Variants in XPOT observed in about 807,000 individuals in gnomAD.
XPOT encodes exportin for tRNA.
In XPOT, 34 loss-of-function variants were observed where a neutral mutation model predicts 128.2. That is an observed-to-expected ratio of 0.27 (90% CI 0.20 to 0.35). The LOEUF is 0.35. Ranked by LOEUF, XPOT falls within the 10% of genes least tolerant of loss-of-function variation. XPOT has a pLI of 1.00. For missense variants in XPOT, 838 were observed against 1,125.3 expected, an observed-to-expected ratio of 0.74 and a Z score of 3.65; for synonymous variants, 348 against 394.3, an observed-to-expected ratio of 0.88 and a Z score of 1.39.
chr12:64,413,651 A>C (rs1483694955), intron 2 of XPOT, among the ~76,000 whole-genome samples: 4 of 152,182 alleles, frequency 2.6e-5, no homozygotes, highest in Non-Finnish European at 5.9e-5. Context: ...TCCCTCATTC[A>C]TACAGTTACA....
intron 23 of XPOT, among the ~76,000 whole-genome samples, chr12:64,440,975 C>T (rs919621016): frequency 7.9e-5 from 12 of 152,182 alleles, no homozygotes; most frequent in African/African-American, 2.9e-4. Context: ...TGTAGCCCCA[C>T]TAATGTAGCT....
chr12:64,416,482 T>A (rs2040088504), intron 3 of XPOT, among the ~76,000 whole-genome samples: 1 of 152,220 alleles, frequency 6.6e-6, no homozygotes, highest in Non-Finnish European at 1.5e-5. Flanking sequence ...CTTGTCAGAT[T>A]TAATGGAAAT....
rs1056822483 is a variant in XPOT, at chr12:64,420,018, A to G, written c.490-52A>G. The G allele has an allele frequency of 1.0e-5, 15 of 1,495,078 alleles. No homozygotes were observed. The Admixed American group carries it at 3.7e-4, about 37-fold the overall frequency. 92.6% of individuals were successfully genotyped at this position (1,495,078 alleles called of 1,614,324 possible). A position where few individuals can be genotyped will look rare whatever the true frequency, so the allele number is the denominator to read the frequency against. ...CTCTCTGCAAGTATATTCAGATATC[A>G]AACATGATTTTGTAAGGTAATCTAC... On this transcript the variant is annotated intron_variant, in intron 6 of 24. Coordinates refer to ENST00000332707, the MANE Select transcript of XPOT (RefSeq NM_007235.6).
chr12:64,421,999 A>G (rs1225943740), intron 9 of XPOT, among the ~76,000 whole-genome samples: 1 of 152,026 alleles, frequency 6.6e-6, no homozygotes, highest in Non-Finnish European at 1.5e-5. Flanking sequence ...TTTAGTAGAC[A>G]GGGTTTCTCC....
At chr12:64,433,909 G>T (rs533110538) in intron 19 of XPOT, among the ~76,000 whole-genome samples, 1 of 152,222 alleles carries the variant, frequency 6.6e-6, no homozygotes, top group South Asian at 2.1e-4. Context: ...TTGCCATTTT[G>T]AAATATAAAA....
At chr12:64,444,030 T>C (rs925854711) in intron 23 of XPOT, among the ~76,000 whole-genome samples, 1 of 152,242 alleles carries the variant, frequency 6.6e-6, no homozygotes, top group South Asian at 2.1e-4. Context: ...ATCTTCCAGA[T>C]TGCTAAATGA....
chr12:64,434,546 A>G lies in XPOT; in HGVS notation c.2492A>G (p.Gln831Arg). Residue 831 changes from glutamine to arginine, a missense_variant, in exon 20 of 25, where the codon CAA (glutamine) becomes CGA (arginine). Around this residue, in one of 3 missense-constraint regions of XPOT, gnomAD observed 761 missense variants for 988.3 expected, o/e 0.77. Transcript: ENST00000332707. ...GAAAGAGTGTTGGTTACTGTTATCC[A>G]AGGAGCAGTTGAATATCCAGATCCA... ...NVERVLVTVI[Q>R]GAVEYPDPIA... 6.2e-7 allele frequency: 1 copy of G among 1,613,842 alleles called. No individual in the cohort carries two copies.
chr12:64,424,928 C>A, intron 12 of XPOT, 110 bp from the exon 13 acceptor site: 1 of 1,415,938 alleles, frequency 7.1e-7, no homozygotes, highest in Non-Finnish European at 9.6e-7. Flanking sequence ...TTAACAGTTG[C>A]TATGACTTTT....
At chr12:64,412,751 C>G (rs559072090) in intron 2 of XPOT, among the ~76,000 whole-genome samples, 1 of 152,176 alleles carries the variant, frequency 6.6e-6, no homozygotes, top group African/African-American at 2.4e-5. Flanking sequence ...GTTATGGGCT[C>G]GGTCTTACAA....
At chr12:64,411,574 C>T (rs753249816) in intron 2 of XPOT, among the ~76,000 whole-genome samples, 3 of 152,154 alleles carry the variant, frequency 2.0e-5, no homozygotes, top group African/African-American at 7.2e-5. Flanking sequence ...CTGTCACATA[C>T]GTGTTTTAAG....
rs377275558 is a variant in XPOT, at chr12:64,435,672, C to T, written c.2731C>T (p.Arg911Trp). ...GACACTGAAAACAATTCATCTCAAA[C>T]GGGTAAGCCTTTTAGTCCATGCCCC... ...AVTLKTIHLK[R>W]GPECVQYLQQ... Residue 911 changes from arginine (R) to tryptophan (W), a missense_variant and splice_region_variant, in exon 22 of 25, where the codon CGG becomes TGG. By Grantham distance (101) the Arg-to-Trp change is moderately radical. This residue lies in a region of XPOT where 56 missense variants were observed against 79.2 expected (regional missense o/e 0.71). Coordinates refer to ENST00000332707, the MANE Select transcript of XPOT (RefSeq NM_007235.6). 6.9e-6 allele frequency: 11 copies of T among 1,601,266 alleles called. No homozygotes were observed. The highest frequency in any genetic ancestry group is 2.7e-5 in the African/African-American group (2 of 74,428).
Position 64,432,261 on chromosome 12 carries a change from A to T in XPOT, c.2262+438A>T, listed in dbSNP as rs1351549919. ...TTTTTTCCTTTTTTCTTTTTTTTTT[A>T]AATGGAGATAGTCTCACTCTGTCAC... On this transcript the variant is annotated intron_variant, in intron 18 of 24. Coordinates refer to ENST00000332707, the MANE Select transcript of XPOT (RefSeq NM_007235.6). 5.3e-5 allele frequency among the ~76,000 whole-genome samples: 8 copies of T among 151,360 alleles called. No homozygotes were observed. The South Asian group carries it at 8.4e-4, about 16-fold the overall frequency.
chr12:64,418,132 A>G lies in XPOT; in HGVS notation c.270+17A>G. 1 of 1,598,422 alleles carries G rather than the reference A, an allele frequency of 6.3e-7. No individual in the cohort carries two copies. ...CAAGCTCAGGTAAAATCATAATTTCATTCAGTACCTCAAATTATTAGATAT... is the reference window on the plus strand; with the variant it reads ...CAAGCTCAGGTAAAATCATAATTTCGTTCAGTACCTCAAATTATTAGATAT... On this transcript the variant is annotated intron_variant, in intron 5 of 24. Transcript: ENST00000332707.
At chr12:64,436,149 G>A (rs964540101) in intron 22 of XPOT, among the ~76,000 whole-genome samples, 1 of 152,096 alleles carries the variant, frequency 6.6e-6, no homozygotes, top group South Asian at 2.1e-4. Context: ...TAGAAACAGG[G>A]TTTCACCATG....
At position 64,418,865 on chromosome 12, in the gene XPOT, CTGTT is replaced by C. The variant is rs774726789; in HGVS notation, c.271-7_271-4del. 4 of 1,612,130 alleles carry C rather than the reference CTGTT, an allele frequency of 2.5e-6. No individual in the cohort carries two copies. Among genetic ancestry groups the C allele is most frequent in the Non-Finnish European group, 3.4e-6 (4 of 1,178,956 alleles). On this transcript the variant is annotated splice_region_variant and splice_polypyrimidine_tract_variant and intron_variant, in intron 5 of 24. Coordinates refer to ENST00000332707, the MANE Select transcript of XPOT (RefSeq NM_007235.6). ...ACATTTAATTTTATGGACTGTTTCT[CTGTT>C]TGTCAGATGCTGAATCCCCAACCAG...
In XPOT at chr12:64,445,107, T is replaced by C; in HGVS notation, c.2838T>C (p.Ala946=). The change falls in exon 24 of 25, where the codon GCT becomes GCC. Residue 946 remains alanine, a synonymous_variant. Transcript: ENST00000332707. ...EFCQALQQPD[A]KVFKNYLKVF... ...GTCAAGCGCTTCAGCAGCCTGATGC[T>C]AAAGTTTTTAAAAATTACTTAAAGG... is the stretch of plus-strand genomic sequence containing the variant. The C allele has an allele frequency of 6.2e-7, 1 of 1,610,372 alleles. No individual in the cohort carries two copies. The highest frequency in any genetic ancestry group is 8.5e-7 in the Non-Finnish European group (1 of 1,178,400).
intron 4 of XPOT, among the ~76,000 whole-genome samples, chr12:64,417,637 A>T (rs75180736): frequency 1.3e-5 from 2 of 152,174 alleles, no homozygotes; most frequent in Non-Finnish European, 2.9e-5. Flanking sequence ...GTTTTTCTAC[A>T]TGACAATTCT....
At chr12:64,433,652 G>T (rs973897939) in intron 19 of XPOT, 49 bp downstream of exon 19, 13 of 1,501,638 alleles carry the variant, frequency 8.7e-6, no homozygotes, top group Non-Finnish European at 9.0e-6. Context: ...CTGTGTCACT[G>T]TTGTACATCT....
At chr12:64,422,046 G>T (rs2040143731) in intron 9 of XPOT, among the ~76,000 whole-genome samples, 1 of 152,128 alleles carries the variant, frequency 6.6e-6, no homozygotes, top group Non-Finnish European at 1.5e-5. Flanking sequence ...CCTACCTCAG[G>T]TGATCTGCCC....
Sources: allele counts gnomAD v4.1 joint callset (sites outside exome capture counted in the v4.1 genomes callset), GRCh38; gene constraint gnomAD v4.1.1; regional missense constraint gnomAD v4.1.1; transcripts MANE v1.5; gene names NCBI Gene and HGNC (gene_info 2026-07-23, HGNC 2026-07-21).